HIVEP3: variants seen among roughly 807,000 people sequenced by gnomAD.
The protein encoded by HIVEP3 is HIVEP zinc finger 3.
Under a neutral mutation model 152.8 loss-of-function variants are expected in HIVEP3, and 49 were observed. The observed-to-expected ratio is 0.32, with a 90% CI of 0.26 to 0.41. HIVEP3 has a LOEUF of 0.41. HIVEP3 is among the 10% of genes least tolerant of loss of function. The pLI, the probability that HIVEP3 is intolerant of heterozygous loss-of-function variation, is 1.00. For synonymous variants in HIVEP3, 1,269 were observed against 1,289.0 expected (o/e 0.98, Z 0.33); for missense variants, 2,790 against 3,103.3 (o/e 0.90, Z 2.40).
intron 1 of HIVEP3, among the ~76,000 whole-genome samples, chr1:41,771,456 C>CT (rs1002174808): frequency 2.0e-5 from 3 of 152,164 alleles, no homozygotes; most frequent in African/African-American, 7.2e-5. Context: ...TCAGGCCTGC[C>CT]TCAAGCTGGC....
At chr1:41,830,521 G>A (rs72671241) in intron 1 of HIVEP3, among the ~76,000 whole-genome samples, 82 of 152,290 alleles carry the variant, frequency 5.4e-4, no homozygotes, top group Admixed American at 8.5e-4. Flanking sequence ...TCACACTTGA[G>A]TCTCTCCCAG....
chr1:41,661,196 G>C (rs1027472630), intron 2 of HIVEP3, among the ~76,000 whole-genome samples: 1 of 152,110 alleles, frequency 6.6e-6, no homozygotes, highest in African/African-American at 2.4e-5. Flanking sequence ...GAGTCACTAA[G>C]GGATAGACCC....
At chr1:41,625,220 C>T (rs1645101303) in intron 3 of HIVEP3, among the ~76,000 whole-genome samples, 1 of 107,530 alleles carries the variant, frequency 9.3e-6, no homozygotes, top group Non-Finnish European at 1.8e-5. Flanking sequence ...GCAGTCAAGC[C>T]AAACGAAACA....
chr1:41,732,340 C>T (rs1646853064), intron 1 of HIVEP3, among the ~76,000 whole-genome samples: 2 of 152,134 alleles, frequency 1.3e-5, no homozygotes, highest in African/African-American at 4.8e-5. Flanking sequence ...CGCCCAGGGT[C>T]AAAACGCTGG....
intron 3 of HIVEP3, among the ~76,000 whole-genome samples, chr1:41,597,390 T>C (rs935186803): frequency 6.6e-6 from 1 of 152,232 alleles, no homozygotes; most frequent in Non-Finnish European, 1.5e-5. Context: ...TCTGTGGGCA[T>C]AATAATTCAG....
intron 1 of HIVEP3, among the ~76,000 whole-genome samples, chr1:41,735,233 T>C (rs567950338): frequency 6.6e-6 from 1 of 152,320 alleles, no homozygotes; most frequent in East Asian, 1.9e-4. Context: ...ATAATTTCTA[T>C]TGAGTGCCTG....
chr1:41,674,379 C>T (rs114957068), intron 2 of HIVEP3, among the ~76,000 whole-genome samples: 321 of 152,368 alleles, frequency 2.1e-3, no homozygotes, highest in African/African-American at 7.4e-3. Flanking sequence ...TCTGGCGATG[C>T]TTCATCCTGT....
At chr1:41,598,101 TG>T (rs2149121696) in intron 3 of HIVEP3, among the ~76,000 whole-genome samples, 1 of 152,282 alleles carries the variant, frequency 6.6e-6, no homozygotes, top group East Asian at 1.9e-4. Context: ...GAAGTGCTTG[TG>T]GGTGAAAGAG....
rs1216205522 is a variant in HIVEP3, at chr1:41,575,564, C to T, written c.5187G>A (p.Arg1729=). The change falls in exon 5 of 9, where the codon AGG becomes AGA. Residue 1729 remains arginine (R), a synonymous_variant. Transcript: ENST00000372583. ...APASQRGEPA[R]IKIFEGGYKS... is the part of the protein sequence containing the mutation. Reference sequence around the variant, plus strand: ...CTTACCCTCCTTCGAAGATTTTGATCCTCGCCGGCTCCCCTCTCTGGGAGG... The same window carrying T: ...CTTACCCTCCTTCGAAGATTTTGATTCTCGCCGGCTCCCCTCTCTGGGAGG... 6.8e-6 allele frequency: 11 copies of T among 1,614,042 alleles called. No individual in the cohort carries two copies. In the South Asian group the frequency reaches 1.1e-4, roughly 16 times the overall value.
chr1:41,601,572 C>T (rs1478587257), intron 3 of HIVEP3, among the ~76,000 whole-genome samples: 1 of 152,070 alleles, frequency 6.6e-6, no homozygotes, highest in African/African-American at 2.4e-5. Context: ...TATAGAAATG[C>T]CACTGATTTT....
intron 1 of HIVEP3, among the ~76,000 whole-genome samples, chr1:41,742,816 T>C (rs566305765): frequency 1.1e-4 from 17 of 152,258 alleles, no homozygotes; most frequent in Admixed American, 1.0e-3. Flanking sequence ...TGTCTAGAAT[T>C]TGCAGTCTGT....
At chr1:42,001,757 C>T (rs1163786660) in intron 1 of HIVEP3, among the ~76,000 whole-genome samples, 1 of 152,194 alleles carries the variant, frequency 6.6e-6, no homozygotes, top group Non-Finnish European at 1.5e-5. Flanking sequence ...TACAGACATA[C>T]TGCTTGGTAA....
At chr1:41,532,006 G>A in intron 5 of HIVEP3, among the ~76,000 whole-genome samples, 1 of 124,740 alleles carries the variant, frequency 8.0e-6, no homozygotes, top group Non-Finnish European at 1.7e-5. Flanking sequence ...CAGGGGAGAT[G>A]GAGGACAGGA....
At chr1:41,885,385 G>T (rs1238139298) in intron 1 of HIVEP3, among the ~76,000 whole-genome samples, 1 of 152,118 alleles carries the variant, frequency 6.6e-6, no homozygotes, top group Non-Finnish European at 1.5e-5. Context: ...AAAAAAAAGG[G>T]CCAGTCACAG....
intron 1 of HIVEP3, among the ~76,000 whole-genome samples, chr1:41,940,864 C>T (rs1454125287): frequency 6.7e-6 from 1 of 148,228 alleles, no homozygotes; most frequent in Non-Finnish European, 1.5e-5. Flanking sequence ...AGGGGGAGGA[C>T]AGGCGGAAAG....
At chr1:41,729,018 C>A (rs1646799584) in intron 1 of HIVEP3, among the ~76,000 whole-genome samples, 1 of 152,192 alleles carries the variant, frequency 6.6e-6, no homozygotes, top group African/African-American at 2.4e-5. Flanking sequence ...CTCTCAGTCA[C>A]CATCTCCCAC....
chr1:41,729,218 T>G (rs1252132248), intron 1 of HIVEP3, among the ~76,000 whole-genome samples: 1 of 152,110 alleles, frequency 6.6e-6, no homozygotes, highest in Non-Finnish European at 1.5e-5. Context: ...TGCACAGGGG[T>G]GATCAGTAAC....
At chr1:41,842,319 G>A (rs1467156973) in intron 1 of HIVEP3, among the ~76,000 whole-genome samples, 1 of 152,046 alleles carries the variant, frequency 6.6e-6, no homozygotes, top group East Asian at 1.9e-4. Flanking sequence ...AGAAAAGATT[G>A]AGCCTGAATC....
At chr1:41,800,076 G>A (rs752427652) in intron 1 of HIVEP3, among the ~76,000 whole-genome samples, 9 of 152,192 alleles carry the variant, frequency 5.9e-5, no homozygotes, top group South Asian at 4.1e-4. Flanking sequence ...ACCATGCCAC[G>A]TTCAGAATGC....
Sources: allele counts gnomAD v4.1 joint callset (sites outside exome capture counted in the v4.1 genomes callset), GRCh38; gene constraint gnomAD v4.1.1; transcripts MANE v1.5; gene names NCBI Gene and HGNC (gene_info 2026-07-23, HGNC 2026-07-21).